SEMA3A: variants seen among roughly 807,000 people sequenced by gnomAD.
SEMA3A encodes semaphorin-3A.
A neutral mutation model predicts 97.9 loss-of-function variants in SEMA3A; 29 were observed. The observed-to-expected ratio is 0.30, with a 90% CI of 0.22 to 0.40. The LOEUF (loss-of-function observed/expected upper bound fraction) is 0.40. SEMA3A is among the 10% of genes least tolerant of loss of function. The pLI is 1.00. For missense variants in SEMA3A, 763 were observed against 951.3 expected (o/e 0.80, Z 2.60); for synonymous variants, 321 against 323.7 (o/e 0.99, Z 0.09).
chr7:84,463,491 G>A (rs903249835), intron 1 of SEMA3A, among the ~76,000 whole-genome samples: 22 of 151,890 alleles, frequency 1.4e-4, no homozygotes, highest in Non-Finnish European at 2.4e-4. Flanking sequence ...CTCGTGATCC[G>A]CCCACCTTGG....
chr7:84,424,809 T>C (rs1186945586), intron 1 of SEMA3A, among the ~76,000 whole-genome samples: 1 of 101,110 alleles, frequency 9.9e-6, no homozygotes, highest in Non-Finnish European at 1.7e-5. Context: ...TATACAAATA[T>C]ACATATATAA....
intron 2 of SEMA3A, among the ~76,000 whole-genome samples, chr7:84,347,212 G>T (rs1037383321): frequency 1.3e-5 from 2 of 152,012 alleles, no homozygotes; most frequent in African/African-American, 2.4e-5. Flanking sequence ...ATGAAAACAT[G>T]CATTTCCATA....
At chr7:84,090,250 A>G (rs1281645776) in intron 4 of SEMA3A, among the ~76,000 whole-genome samples, 2 of 152,182 alleles carry the variant, frequency 1.3e-5, no homozygotes, top group Non-Finnish European at 2.9e-5. Context: ...GGTACTAGGT[A>G]AGTGAGTTTT....
chr7:84,401,912 C>G (rs1803914597), intron 1 of SEMA3A, among the ~76,000 whole-genome samples: 1 of 152,034 alleles, frequency 6.6e-6, no homozygotes, highest in Non-Finnish European at 1.5e-5. Context: ...TAGAAGAAAA[C>G]AGAGAAATGC....
At chr7:84,237,677 G>T (rs1381671818) in intron 3 of SEMA3A, among the ~76,000 whole-genome samples, 1 of 151,918 alleles carries the variant, frequency 6.6e-6, no homozygotes, top group Non-Finnish European at 1.5e-5. Flanking sequence ...CCCAGCAAAG[G>T]GTGATTCATG....
chr7:84,134,929 C>CACAT lies in SEMA3A; in HGVS notation c.131_134dup (p.Ile46CysfsTer20). 1 of 1,612,962 alleles carries CACAT rather than the reference C, an allele frequency of 6.2e-7. No individual in the cohort carries two copies. Among genetic ancestry groups the CACAT allele is most frequent in the Non-Finnish European group, 8.5e-7 (1 of 1,179,680 alleles). On this transcript the variant is annotated frameshift_variant, in exon 2 of 17. Transcript: ENST00000265362. LOFTEE classifies it high-confidence loss of function. The stretch of plus-strand genomic sequence containing the variant: ...TGTTGGCCAAGCCATTGAAAGTGAT[C>CACAT]ACATTGTTGGATTCCAACATTTCTG...
chr7:83,980,542 T>C (rs1182767622), intron 14 of SEMA3A, among the ~76,000 whole-genome samples: 1 of 145,420 alleles, frequency 6.9e-6, no homozygotes, highest in Non-Finnish European at 1.5e-5. Context: ...GAGGCAGAGG[T>C]TGCAGTGAGC....
chr7:84,436,633 G>A (rs1264744091), intron 1 of SEMA3A, among the ~76,000 whole-genome samples: 1 of 152,020 alleles, frequency 6.6e-6, no homozygotes, highest in Non-Finnish European at 1.5e-5. Context: ...ATTTCTTTGT[G>A]TTATAATATG....
chr7:84,133,191 T>C (rs1396678931), intron 2 of SEMA3A, among the ~76,000 whole-genome samples: 1 of 152,086 alleles, frequency 6.6e-6, no homozygotes, highest in East Asian at 1.9e-4. Flanking sequence ...AAAATAGAAA[T>C]ACCCGAAGTG....
At chr7:84,028,844 C>T (rs1019271835) in intron 6 of SEMA3A, among the ~76,000 whole-genome samples, 4 of 152,242 alleles carry the variant, frequency 2.6e-5, no homozygotes, top group South Asian at 2.1e-4. Flanking sequence ...TGGTCTCAAT[C>T]TCCTGACCTC....
At chr7:84,150,996 G>A (rs1584043223) in intron 1 of SEMA3A, among the ~76,000 whole-genome samples, 1 of 147,988 alleles carries the variant, frequency 6.8e-6, no homozygotes, top group African/African-American at 2.5e-5. Flanking sequence ...ACCTCACACT[G>A]CAGGGTACTC....
chr7:84,189,086 A>G lies in SEMA3A; in HGVS notation c.112+5389T>C, dbSNP rs12234403. Among the ~76,000 whole-genome samples the G allele has an allele frequency of 6.9e-3, 1,042 of 151,970 alleles. 51 individuals are homozygous for G. The East Asian group carries it at 0.13, about 19-fold the overall frequency. On this transcript the variant is annotated intron_variant, in intron 1 of 16. Coordinates refer to ENST00000265362, the MANE Select transcript of SEMA3A (RefSeq NM_006080.3). ...TGGTAATTCCTTTATATAGTGCATT[A>G]GAAATCATGAGGGGTAAAAGTCATC...
At chr7:84,114,194 A>G (rs1349775400) in intron 3 of SEMA3A, among the ~76,000 whole-genome samples, 3 of 152,204 alleles carry the variant, frequency 2.0e-5, no homozygotes, top group African/African-American at 7.2e-5. Flanking sequence ...CGATAATTAT[A>G]CTTTCTACAA....
chr7:84,181,698 A>AT (rs1284851470), intron 1 of SEMA3A, among the ~76,000 whole-genome samples: 1 of 152,132 alleles, frequency 6.6e-6, no homozygotes, highest in Non-Finnish European at 1.5e-5. Context: ...TTAAGTTGCT[A>AT]TTTTTAAAAA....
rs1026530256 is a variant in SEMA3A, at chr7:84,011,032, T to C, written c.985A>G (p.Thr329Ala). ...PKNPVVYGVF[T>A]TSSNIFKGSA... ...TAAAAAGTTACTTACCTGGAAGTCG[T>C]AAACACTCCATATACAACTGGATTT... Residue 329 changes from threonine to alanine, a missense_variant, in exon 9 of 17, where the codon ACG becomes GCG. Physicochemically the swap from Thr to Ala is moderately conservative, Grantham distance 58. Around this residue, in one of 2 missense-constraint regions of SEMA3A, gnomAD observed 678 missense variants for 881.3 expected, o/e 0.77. Transcript: ENST00000265362. 1.2e-6 allele frequency: 2 copies of C among 1,607,692 alleles called. No individual in the cohort carries two copies. The highest frequency in any genetic ancestry group is 3.4e-5 in the Admixed American group (2 of 59,552).
chr7:84,254,678 C>T (rs526445), intron 3 of SEMA3A, among the ~76,000 whole-genome samples: 67,612 of 151,890 alleles, frequency 0.45, 15,964 homozygotes, highest in East Asian at 0.61. Flanking sequence ...ATTTTAACTG[C>T]TAATTGGCAC....
chr7:84,176,323 C>G (rs1301090061), intron 1 of SEMA3A, among the ~76,000 whole-genome samples: 1 of 152,084 alleles, frequency 6.6e-6, no homozygotes, highest in Admixed American at 6.5e-5. Flanking sequence ...AATTAGTATC[C>G]AGACTGGAAT....
rs373808893 is a variant in SEMA3A, at chr7:84,410,323, G to A, written c.-245-38423C>T. 2.0e-5 allele frequency among the ~76,000 whole-genome samples: 3 copies of A among 151,672 alleles called. No individual in the cohort carries two copies. In the South Asian group the frequency reaches 6.2e-4, roughly 32 times the overall value. On this transcript the variant is annotated intron_variant, in intron 1 of 3. Transcript: ENST00000424555. ...GAATTGAGTGCAGTTTTTCATCAGGGGGTCATTTTCTTCTATAATTTTCAA... is the reference window on the plus strand; with the variant it reads ...GAATTGAGTGCAGTTTTTCATCAGGAGGTCATTTTCTTCTATAATTTTCAA...
At chr7:84,043,578 G>A (rs543121424) in intron 6 of SEMA3A, among the ~76,000 whole-genome samples, 1 of 152,168 alleles carries the variant, frequency 6.6e-6, no homozygotes, top group Non-Finnish European at 1.5e-5. Context: ...TATAGTCTAT[G>A]CTGATGCCTC....
Sources: gnomAD v4.1 joint callset for allele counts (sites outside exome capture counted in the v4.1 genomes callset) on GRCh38, gnomAD v4.1.1 for gene constraint, gnomAD v4.1.1 regional missense constraint, MANE v1.5 for transcripts, NCBI Gene and HGNC (gene_info 2026-07-23, HGNC 2026-07-21) for gene names.